CEP72: variants seen among roughly 807,000 people sequenced by gnomAD.
The protein encoded by CEP72 is centrosomal protein 72, also known as centrosomal protein of 72 kDa.
Under a neutral mutation model 65.7 loss-of-function variants are expected in CEP72, and 78 were observed. The ratio of observed to expected loss-of-function variants is 1.19; its 90% CI spans 0.99 to 1.43. CEP72 has a LOEUF of 1.43. Among genes scored for constraint, CEP72 ranks in the 40% most tolerant of loss-of-function variants. The pLI, the probability that CEP72 is intolerant of heterozygous loss-of-function variation, is 0.00. For missense variants in CEP72, 914 were observed against 832.9 expected, an observed-to-expected ratio of 1.10 and a Z score of -1.20; for synonymous variants, 358 against 351.7, an observed-to-expected ratio of 1.02 and a Z score of -0.20.
intron 8 of CEP72, 25 bp from the exon 9 acceptor site, chr5:640,383 T>C (rs757888781): frequency 2.5e-6 from 4 of 1,605,744 alleles, no homozygotes; most frequent in Non-Finnish European, 3.4e-6. Context: ...TAAGTGCTAA[T>C]GTAATATTTG....
chr5:652,939 G>A (rs755731112), intron 11 of CEP72, 49 bp from the exon 12 acceptor site: 28 of 1,532,518 alleles, frequency 1.8e-5, no homozygotes, highest in African/African-American at 1.1e-4. Context: ...GGGCCACACC[G>A]CTGGAGAGGA....
chr5:645,056 G>C lies in CEP72; in HGVS notation c.1666+631G>C. 6.6e-6 allele frequency among the ~76,000 whole-genome samples: 1 copy of C among 151,948 alleles called. No individual in the cohort carries two copies. Among genetic ancestry groups the C allele is most frequent in the East Asian group, 1.9e-4 (1 of 5,174 alleles). On this transcript the variant is annotated intron_variant, in intron 10 of 11. Coordinates refer to ENST00000264935, the MANE Select transcript of CEP72 (RefSeq NM_018140.4). This position sits in a 1 kb window ranked among gnomAD's most constrained non-coding sequence, Gnocchi z 4.0. ...TCTCGGTGTGGCGTGGAGTCTCTTG[G>C]AAGTTTTAACTCATACTTCCCTGAG...
chr5:637,929 C>T (rs773885385), intron 7 of CEP72, 111 bp downstream of exon 7: 4 of 1,063,776 alleles, frequency 3.8e-6, no homozygotes, highest in Non-Finnish European at 5.3e-6. Context: ...TGTGTCCCTC[C>T]CTGATGCAGG....
chr5:635,571 C>T lies in CEP72; in HGVS notation c.891C>T (p.Phe297=), dbSNP rs147233719. ...ASRAPRPHTY[F]TPHPDSMDTE... is the part of the protein sequence containing the mutation. ...GTGCCCCCAGGCCACACACGTACTT[C>T]ACCCCACACCCAGGTACTTACGCGT... is the stretch of plus-strand genomic sequence containing the variant. The change falls in exon 6 of 12, where the codon TTC becomes TTT. Residue 297 remains phenylalanine, a synonymous_variant. Transcript: ENST00000264935. The T allele has an allele frequency of 6.2e-6, 10 of 1,612,098 alleles. No homozygotes were observed. In the African/African-American group the frequency reaches 1.3e-4, roughly 22 times the overall value.
downstream of CEP72, among the ~76,000 whole-genome samples, chr5:658,988 A>G (rs1273817314): frequency 6.6e-6 from 1 of 152,112 alleles, no homozygotes; most frequent in East Asian, 1.9e-4. Flanking sequence ...TGATTGATCC[A>G]CCATCTCATT....
chr5:647,966 T>G, intron 11 of CEP72, 50 bp downstream of exon 11: 1 of 1,345,048 alleles, frequency 7.4e-7, no homozygotes, highest in Non-Finnish European at 1.1e-6. Context: ...GAGGCCCAGG[T>G]ACAGGGAGGG....
rs182976272 is a variant in CEP72, at chr5:636,654, T to A, written c.905-863T>A. Among the ~76,000 whole-genome samples, 1,467 of 151,894 alleles carry A rather than the reference T, an allele frequency of 9.7e-3. 15 individuals are homozygous for A. The highest frequency in any genetic ancestry group is 0.027 in the Middle Eastern group (8 of 294). ...GGTGAAACCAGGTCTCTACTAAATA[T>A]ACAAAAATATCTGGGCATGGTGGCG... On this transcript the variant is annotated intron_variant, in intron 6 of 11. Transcript: ENST00000264935.
At chr5:666,027 G>C (rs529736782) in exon 4 of CEP72, 5 of 1,601,042 alleles carry the variant, frequency 3.1e-6, no homozygotes, top group South Asian at 2.2e-5. Flanking sequence ...CCTCGCGAAC[G>C]GCCTCCTCGC....
intron 4 of CEP72, among the ~76,000 whole-genome samples, chr5:626,770 A>T (rs1456730590): frequency 2.6e-5 from 4 of 152,186 alleles, no homozygotes; most frequent in African/African-American, 9.7e-5. Flanking sequence ...GCAGTGAGCT[A>T]TGATCGCACC....
At chr5:656,507 AC>A (rs138929643), downstream of CEP72, among the ~76,000 whole-genome samples, 15,120 of 152,214 alleles carry the variant, frequency 0.099, 1,619 homozygotes, top group African/African-American at 0.27. Flanking sequence ...GTCTTTTGTT[AC>A]ATTTAATCCT....
rs546382225 is a variant in CEP72, at chr5:635,012, C to G, written c.692-360C>G. On this transcript the variant is annotated intron_variant, in intron 5 of 11. Coordinates refer to ENST00000264935, the MANE Select transcript of CEP72 (RefSeq NM_018140.4). ...CCGGGTTCAAGTGATTCTCCTGCCTCAGCCTCCCAAGTAGCTGGGACTACA... is the reference window on the plus strand; with the variant it reads ...CCGGGTTCAAGTGATTCTCCTGCCTGAGCCTCCCAAGTAGCTGGGACTACA... Among the ~76,000 whole-genome samples, 9 of 152,360 alleles carry G rather than the reference C, an allele frequency of 5.9e-5. No homozygotes were observed. In the South Asian group the frequency reaches 1.7e-3, roughly 28 times the overall value.
intron 3 of CEP72, among the ~76,000 whole-genome samples, chr5:622,480 G>C (rs914850934): frequency 3.9e-5 from 6 of 152,246 alleles, no homozygotes; most frequent in Non-Finnish European, 8.8e-5. Flanking sequence ...CAGGGCGTCT[G>C]TGTGGCCAAA....
chr5:667,942 G>A (rs1352987239), downstream of CEP72, among the ~76,000 whole-genome samples: 1 of 60,230 alleles, frequency 1.7e-5, no homozygotes, highest in Non-Finnish European at 2.8e-5. Flanking sequence ...AGAGGGGGCC[G>A]TGTGGGCGCC....
downstream of CEP72, among the ~76,000 whole-genome samples, chr5:671,320 G>C (rs1463287158): frequency 2.0e-5 from 3 of 152,168 alleles, no homozygotes; most frequent in African/African-American, 7.2e-5. Flanking sequence ...TTGGTGGGAC[G>C]TGGACTTGGG....
downstream of CEP72, among the ~76,000 whole-genome samples, chr5:670,147 C>G (rs1227432511): frequency 6.6e-6 from 1 of 152,200 alleles, no homozygotes; most frequent in East Asian, 1.9e-4. Flanking sequence ...CCTCCAGGAG[C>G]TGGGCTCAGG....
intron 7 of CEP72, among the ~76,000 whole-genome samples, chr5:638,456 C>G (rs1435644717): frequency 6.6e-6 from 1 of 151,706 alleles, no homozygotes; most frequent in African/African-American, 2.4e-5. Flanking sequence ...CTTGCCACAA[C>G]GAGGGCTTCA....
downstream of CEP72, among the ~76,000 whole-genome samples, chr5:654,238 CTGTG>C (rs765817599): frequency 7.1e-6 from 1 of 141,200 alleles, no homozygotes; most frequent in Non-Finnish European, 1.5e-5. Flanking sequence ...TGTGTGCTAG[CTGTG>C]TGTGCATGCT....
At chr5:634,036 T>C in intron 5 of CEP72, 89 bp downstream of exon 5, 1 of 1,241,490 alleles carries the variant, frequency 8.1e-7, no homozygotes. Context: ...ACAGTTGCTC[T>C]TTTTGTGGAA....
At chr5:617,400 G>C (rs545316175) in intron 1 of CEP72, among the ~76,000 whole-genome samples, 3 of 152,206 alleles carry the variant, frequency 2.0e-5, no homozygotes, top group Non-Finnish European at 4.4e-5. Context: ...TTCTGGTTGG[G>C]TGTGGTGGCT....
Sources: allele counts gnomAD v4.1 joint callset (sites outside exome capture counted in the v4.1 genomes callset), GRCh38; gene constraint gnomAD v4.1.1; non-coding constraint Gnocchi (gnomAD v3.1); transcripts MANE v1.5; gene names NCBI Gene and HGNC (gene_info 2026-07-23, HGNC 2026-07-21).